KLF8: variants seen among roughly 807,000 people sequenced by gnomAD.
KLF8 encodes the protein KLF transcription factor 8.
A neutral mutation model predicts 18.2 loss-of-function variants in KLF8; 10 were observed. That is an observed-to-expected ratio of 0.55 (90% confidence interval 0.34 to 0.93). The LOEUF (loss-of-function observed/expected upper bound fraction) is 0.93, where lower values mean the gene tolerates loss of function less well. KLF8 is among the 40% of genes least tolerant of loss of function. The pLI is 0.02. For synonymous variants in KLF8, 109 were observed against 97.3 expected, an observed-to-expected ratio of 1.12 and a Z score of -0.71; for missense variants, 264 against 277.9, an observed-to-expected ratio of 0.95 and a Z score of 0.36.
the KLF8 span, among the ~76,000 whole-genome samples, chrX:56,055,682 C>T: frequency 8.9e-6 from 1 of 111,831 alleles, no homozygotes; most frequent in Non-Finnish European, 1.9e-5. Flanking sequence ...ACACTCTCTC[C>T]ATCTTTCTCA....
the KLF8 span, among the ~76,000 whole-genome samples, chrX:56,138,139 T>C: frequency 9.5e-6 from 1 of 105,442 alleles, no homozygotes; most frequent in South Asian, 4.2e-4. Flanking sequence ...CAGGAAGGAA[T>C]TGATACCCTA....
At chrX:56,150,057 T>C in the KLF8 span, among the ~76,000 whole-genome samples, 1 of 111,997 alleles carries the variant, frequency 8.9e-6, no homozygotes, top group Non-Finnish European at 1.9e-5. Context: ...CCACTTGGAG[T>C]AAAGACTCAG....
At chrX:56,265,867 T>TC (rs937996304) in intron 3 of KLF8, 123 bp downstream of exon 3, 1 of 1,072,393 alleles carries the variant, frequency 9.3e-7, no homozygotes, top group African/African-American at 1.9e-5. Flanking sequence ...GAGTAATCTT[T>TC]CAAAAGTACT....
At chrX:56,186,876 G>C in the KLF8 span, among the ~76,000 whole-genome samples, 1 of 112,140 alleles carries the variant, frequency 8.9e-6, no homozygotes, top group African/African-American at 3.2e-5. Flanking sequence ...ATTCAAAGCA[G>C]TGTGTAGAAG....
the KLF8 span, among the ~76,000 whole-genome samples, chrX:56,049,918 G>A: frequency 4.1e-4 from 45 of 108,824 alleles, no homozygotes; most frequent in Admixed American, 4.2e-3. Flanking sequence ...TGGTTGGTAA[G>A]CTATTGATTA....
At chrX:56,142,664 G>A in the KLF8 span, among the ~76,000 whole-genome samples, 2 of 111,676 alleles carry the variant, frequency 1.8e-5, no homozygotes, top group Admixed American at 1.9e-4. Context: ...AACTTAACAT[G>A]TCCCAAACTT....
chrX:55,923,165 C>A, the KLF8 span, among the ~76,000 whole-genome samples: 18 of 110,732 alleles, frequency 1.6e-4, no homozygotes, highest in Non-Finnish European at 3.0e-4. Flanking sequence ...GATAAGATCA[C>A]GTCCTTTGCA....
intron 1 of KLF8, among the ~76,000 whole-genome samples, chrX:56,244,375 A>T (rs1465212991): frequency 9.0e-6 from 1 of 110,764 alleles, no homozygotes; most frequent in Non-Finnish European, 1.9e-5. Context: ...TTTGGTAGAG[A>T]TGGGGTCTCA....
At chrX:56,030,305 G>A in the KLF8 span, among the ~76,000 whole-genome samples, 1 of 111,133 alleles carries the variant, frequency 9.0e-6, no homozygotes, top group South Asian at 3.8e-4. Flanking sequence ...TGTATTCCTG[G>A]GGATTTTGGT....
the KLF8 span, among the ~76,000 whole-genome samples, chrX:56,092,446 A>G: frequency 3.6e-5 from 4 of 111,347 alleles, no homozygotes; most frequent in Non-Finnish European, 5.7e-5. Flanking sequence ...TCTTTAATCC[A>G]CTTTGGGTTG....
At chrX:55,932,666 T>C in the KLF8 span, among the ~76,000 whole-genome samples, 1 of 111,951 alleles carries the variant, frequency 8.9e-6, no homozygotes, top group South Asian at 3.7e-4. Context: ...GGTTGAAAAT[T>C]ATTTTCTTTA....
the KLF8 span, among the ~76,000 whole-genome samples, chrX:55,938,777 A>T: frequency 1.8e-5 from 2 of 111,795 alleles, no homozygotes; most frequent in Admixed American, 1.9e-4. Flanking sequence ...AGAGACAAAG[A>T]AGACCATTAC....
chrX:56,003,359 G>A, the KLF8 span, among the ~76,000 whole-genome samples: 7 of 109,921 alleles, frequency 6.4e-5, no homozygotes, highest in South Asian at 3.9e-4. Flanking sequence ...GCAGTGAGCC[G>A]AAATCATGCC....
chrX:56,248,530 C>T (rs750755356), intron 1 of KLF8, among the ~76,000 whole-genome samples: 2 of 111,658 alleles, frequency 1.8e-5, no homozygotes, highest in Non-Finnish European at 3.8e-5. Context: ...CCATAGGAAT[C>T]GAAGAACAGA....
the KLF8 span, among the ~76,000 whole-genome samples, chrX:55,944,772 C>A: frequency 1.8e-5 from 2 of 110,800 alleles, no homozygotes; most frequent in Admixed American, 9.6e-5. Flanking sequence ...TGATCCTTTC[C>A]AAAAACCAGC....
the KLF8 span, among the ~76,000 whole-genome samples, chrX:55,966,700 C>G: frequency 9.0e-6 from 1 of 111,687 alleles, no homozygotes; most frequent in Non-Finnish European, 1.9e-5. Flanking sequence ...AAATACTCAA[C>G]TCTTCAATTT....
the KLF8 span, among the ~76,000 whole-genome samples, chrX:56,076,726 A>G: frequency 3.6e-5 from 4 of 111,828 alleles, no homozygotes; most frequent in Non-Finnish European, 7.5e-5. Flanking sequence ...ACTGACTTCC[A>G]CAATGGTTGA....
the KLF8 span, among the ~76,000 whole-genome samples, chrX:55,929,989 C>T: frequency 6.3e-5 from 7 of 110,328 alleles, no homozygotes; most frequent in African/African-American, 1.3e-4. Context: ...GCCATTTTCA[C>T]GATATTGATT....
intron 5 of KLF8, among the ~76,000 whole-genome samples, chrX:56,283,402 C>T (rs979820382): frequency 2.7e-5 from 3 of 111,230 alleles, no homozygotes; most frequent in African/African-American, 9.8e-5. Context: ...TGAGACAGGT[C>T]TCGCTCTCTC....
Sources: allele counts gnomAD v4.1 joint callset (sites outside exome capture counted in the v4.1 genomes callset), GRCh38; gene constraint gnomAD v4.1.1; transcripts MANE v1.5; gene names NCBI Gene and HGNC (gene_info 2026-07-23, HGNC 2026-07-21).